Variants in SAV1 observed in about 807,000 individuals in gnomAD.
SAV1 encodes the protein protein salvador homolog 1.
In SAV1, 23 loss-of-function variants were observed where a neutral mutation model predicts 47.3. The ratio of observed to expected loss-of-function variants is 0.49; its 90% CI spans 0.35 to 0.69. The LOEUF is 0.69. Among genes scored for constraint, SAV1 ranks in the 30% least tolerant of loss-of-function variants. The probability of loss-of-function intolerance (pLI) is 0.01; values close to 1 mark genes in which losing one functional copy is unlikely to be tolerated. For synonymous variants in SAV1, 155 were observed against 159.2 expected, an observed-to-expected ratio of 0.97 and a Z score of 0.20; for missense variants, 448 against 457.4, an observed-to-expected ratio of 0.98 and a Z score of 0.19.
intron 3 of SAV1, among the ~76,000 whole-genome samples, chr14:50,643,286 G>C (rs971459017): frequency 1.3e-5 from 2 of 152,140 alleles, no homozygotes; most frequent in Non-Finnish European, 2.9e-5. Flanking sequence ...AGAATTACCT[G>C]AAACTGGGTA....
intron 1 of SAV1, among the ~76,000 whole-genome samples, chr14:50,666,838 G>A (rs1026041812): frequency 2.6e-5 from 4 of 151,436 alleles, no homozygotes; most frequent in Non-Finnish European, 5.9e-5. Context: ...GTACTCAACT[G>A]ACATATATTT....
At chr14:50,666,792 A>G (rs545561140) in intron 1 of SAV1, among the ~76,000 whole-genome samples, 1 of 151,946 alleles carries the variant, frequency 6.6e-6, no homozygotes, top group South Asian at 2.1e-4. Flanking sequence ...AAAAAAAAAA[A>G]AAAACAACTT....
intron 3 of SAV1, among the ~76,000 whole-genome samples, chr14:50,641,274 A>G (rs1427217669): frequency 6.6e-6 from 1 of 152,188 alleles, no homozygotes; most frequent in African/African-American, 2.4e-5. Context: ...GTGACGCAGC[A>G]GTGAGTATTG....
chr14:50,640,989 G>A, intron 3 of SAV1, 96 bp from the exon 4 acceptor site: 1 of 1,182,654 alleles, frequency 8.5e-7, no homozygotes, highest in Non-Finnish European at 1.2e-6. Context: ...TTTTCAGTGT[G>A]CCTTCTGTCC....
At chr14:50,649,738 A>C (rs2039751890) in intron 2 of SAV1, among the ~76,000 whole-genome samples, 1 of 152,214 alleles carries the variant, frequency 6.6e-6, no homozygotes, top group African/African-American at 2.4e-5. Flanking sequence ...ATTTTAACAT[A>C]AATTTGAATC....
intron 2 of SAV1, among the ~76,000 whole-genome samples, chr14:50,646,992 A>G (rs1044887943): frequency 3.3e-5 from 5 of 152,212 alleles, no homozygotes; most frequent in African/African-American, 1.2e-4. Flanking sequence ...TGAAAGGGCA[A>G]TAGCGGGGAA....
At chr14:50,665,029 T>C (rs1566748869) in intron 2 of SAV1, 150 bp downstream of exon 2, 10 of 1,022,516 alleles carry the variant, frequency 9.8e-6, no homozygotes, top group Non-Finnish European at 1.4e-5. Context: ...TAACAACTAT[T>C]TGCACACAGG....
Position 50,640,865 on chromosome 14 carries a change from C to T in SAV1, c.835G>A (p.Val279Ile). The T allele has an allele frequency of 6.2e-7, 1 of 1,613,008 alleles. No individual in the cohort carries two copies. The highest frequency in any genetic ancestry group is 8.5e-7 in the Non-Finnish European group (1 of 1,179,394). The change falls in exon 4 of 5, where the codon GTC becomes ATC. Residue 279 changes from valine (V) to isoleucine (I), a missense_variant. Coordinates refer to ENST00000324679, the MANE Select transcript of SAV1 (RefSeq NM_021818.4). ...TCAGTTTGCTGTGGCTGGTATGTGA[C>T]AGGAGGTGGTTGATCATACCGAGGT... ...SVPRYDQPPP[V>I]TYQPQQTERN... is the part of the protein sequence containing the mutation.
At chr14:50,647,559 C>T (rs1424398235) in intron 2 of SAV1, among the ~76,000 whole-genome samples, 5 of 151,906 alleles carry the variant, frequency 3.3e-5, no homozygotes, top group African/African-American at 1.2e-4. Context: ...AGAGTGAAAC[C>T]CCTTCTCTCA....
At chr14:50,640,934 A>C in intron 3 of SAV1, 41 bp from the exon 4 acceptor site, 1 of 1,533,642 alleles carries the variant, frequency 6.5e-7, no homozygotes, top group Non-Finnish European at 8.8e-7. Flanking sequence ...TAAAGGTCTT[A>C]AAATCTAAAC....
Position 50,665,517 on chromosome 14 carries a change from A to C in SAV1, c.197T>G (p.Val66Gly), listed in dbSNP as rs2039894433. The C allele has an allele frequency of 1.2e-6, 2 of 1,614,106 alleles. No homozygotes were observed. Among genetic ancestry groups the C allele is most frequent in the Non-Finnish European group, 1.7e-6 (2 of 1,179,966 alleles). The part of the protein sequence containing the change: ...SPNAFSTSGD[V>G]VSRNQSFLRT... ...AAGGAAACTCTGGTTTCTTGAAACT[A>C]CATCTCCAGAAGTTGAAAAGGCATT... The change falls in exon 2 of 5, where the codon GTA becomes GGA. Residue 66 changes from valine to glycine, a missense_variant. By Grantham distance (109) the Val-to-Gly change is moderately radical. Coordinates refer to ENST00000324679, the MANE Select transcript of SAV1 (RefSeq NM_021818.4).
At chr14:50,635,576 G>A (rs2039627280) in intron 4 of SAV1, among the ~76,000 whole-genome samples, 192 bp from the exon 5 acceptor site, 1 of 152,172 alleles carries the variant, frequency 6.6e-6, no homozygotes, top group Admixed American at 6.5e-5. Flanking sequence ...TGAGGTGGGA[G>A]GCTGAGGTGG....
chr14:50,658,433 G>T (rs188574871), intron 2 of SAV1, among the ~76,000 whole-genome samples: 5 of 152,058 alleles, frequency 3.3e-5, no homozygotes, highest in African/African-American at 1.2e-4. Flanking sequence ...ACTGGTATGC[G>T]GCCAAGAACA....
At chr14:50,643,891 T>C (rs141264074) in intron 3 of SAV1, among the ~76,000 whole-genome samples, 68 of 152,322 alleles carry the variant, frequency 4.5e-4, no homozygotes, top group African/African-American at 1.5e-3. Context: ...TCTAAGAAAA[T>C]ACAAATGTCC....
At chr14:50,662,711 C>A (rs1401549376) in intron 2 of SAV1, 1 of 152,192 alleles carries the variant, frequency 6.6e-6, no homozygotes, top group Non-Finnish European at 1.5e-5. Context: ...CTCATATTTA[C>A]ATACTTAAAC....
intron 2 of SAV1, among the ~76,000 whole-genome samples, chr14:50,648,043 CAT>C (rs1416989200): frequency 3.9e-5 from 6 of 152,342 alleles, no homozygotes; most frequent in South Asian, 4.1e-4. Flanking sequence ...AAATGACACA[CAT>C]GTCCTTTAAC....
At chr14:50,657,393 A>C (rs2039822234) in intron 2 of SAV1, among the ~76,000 whole-genome samples, 1 of 152,194 alleles carries the variant, frequency 6.6e-6, no homozygotes, top group South Asian at 2.1e-4. Flanking sequence ...TTCATAGCCA[A>C]AACTGCTCTA....
chr14:50,646,907 A>G (rs973920640), intron 2 of SAV1, among the ~76,000 whole-genome samples: 4 of 152,216 alleles, frequency 2.6e-5, no homozygotes, highest in African/African-American at 9.6e-5. Flanking sequence ...GAACAGACAA[A>G]TAGATAAATG....
Position 50,639,610 on chromosome 14 carries a change from C to A in SAV1, c.950+1140G>T, listed in dbSNP as rs867950357. On this transcript the variant is annotated intron_variant, in intron 4 of 4. Transcript: ENST00000324679. ...TGAGTTTTATAGTTAGCTCACAGAACCACAGAATTCAAAAAGACTATAATC... is the reference window on the plus strand; with the variant it reads ...TGAGTTTTATAGTTAGCTCACAGAAACACAGAATTCAAAAAGACTATAATC... 2.0e-4 allele frequency among the ~76,000 whole-genome samples: 31 copies of A among 152,242 alleles called. No individual in the cohort carries two copies. The Middle Eastern group carries it at 0.017, about 84-fold the overall frequency.
Sources: allele counts gnomAD v4.1 joint callset (sites outside exome capture counted in the v4.1 genomes callset), GRCh38; gene constraint gnomAD v4.1.1; transcripts MANE v1.5; gene names NCBI Gene and HGNC (gene_info 2026-07-23, HGNC 2026-07-21).